Variants in AGT observed in about 807,000 individuals in gnomAD.
The protein encoded by AGT is angiotensinogen.
Under a neutral mutation model 28.1 loss-of-function variants are expected in AGT, and 26 were observed. That is an observed-to-expected ratio of 0.92 (90% confidence interval 0.68 to 1.28). AGT has a LOEUF of 1.28. Among genes scored for constraint, AGT ranks in the 50% most tolerant of loss-of-function variants. AGT has a pLI of 0.00. For synonymous variants in AGT, 259 were observed against 259.6 expected (o/e 1.00, Z 0.02); for missense variants, 596 against 592.3 (o/e 1.01, Z -0.06).
At chr1:230,703,444 G>C in intron 4 of AGT, 115 bp from the exon 5 acceptor site, 1 of 1,113,974 alleles carries the variant, frequency 9.0e-7, no homozygotes. Context: ...TGTCCTGGAG[G>C]GGGACATTTT....
chr1:230,713,351 C>T (rs1333459895), intron 1 of AGT, among the ~76,000 whole-genome samples: 1 of 152,176 alleles, frequency 6.6e-6, no homozygotes, highest in Non-Finnish European at 1.5e-5. Context: ...GGTCCAGTGA[C>T]TTGTTCAACG....
At chr1:230,727,521 T>C (rs1663965818) in intron 1 of AGT, among the ~76,000 whole-genome samples, 2 of 152,230 alleles carry the variant, frequency 1.3e-5, no homozygotes, top group Admixed American at 1.3e-4. Context: ...GACAGATTTA[T>C]GCCATTAAGT....
At chr1:230,741,860 T>C (rs1320475237) in intron 1 of AGT, among the ~76,000 whole-genome samples, 1 of 152,120 alleles carries the variant, frequency 6.6e-6, no homozygotes, top group Non-Finnish European at 1.5e-5. Flanking sequence ...CAAAACATCA[T>C]TGTGGGCTTT....
Position 230,710,368 on chromosome 1 carries a change from GAT to G in AGT, c.454_455del (p.Ile152ProfsTer37). ...LDHTADRLQAILGVPWKDKNC... is the reference protein window; with the variant it reads ...LDHTADRLQAXLGVPWKDKNC... The stretch of plus-strand genomic sequence containing the variant: ...TCTTGTCCTTCCAAGGAACACCCAG[GAT>G]TGCCTGTAGCCTGTCAGCTGTGTGG... On this transcript the variant is annotated frameshift_variant, in exon 2 of 5. Transcript: ENST00000366667. LOFTEE classifies it high-confidence loss of function. 1.9e-6 allele frequency: 3 copies of G among 1,614,206 alleles called. No homozygotes were observed. The highest frequency in any genetic ancestry group is 2.5e-6 in the Non-Finnish European group (3 of 1,180,040).
chr1:230,744,199 C>T (rs1406172752), intron 1 of AGT, among the ~76,000 whole-genome samples: 1 of 152,176 alleles, frequency 6.6e-6, no homozygotes, highest in East Asian at 1.9e-4. Context: ...GCCTGGTAGA[C>T]CTTAGATTGC....
At chr1:230,722,565 G>A (rs1477563874) in intron 1 of AGT, among the ~76,000 whole-genome samples, 1 of 152,252 alleles carries the variant, frequency 6.6e-6, no homozygotes, top group Non-Finnish European at 1.5e-5. Flanking sequence ...AAAACCACAG[G>A]GGTGGAGCTG....
In AGT at chr1:230,703,247, A is replaced by C; in HGVS notation, c.1325T>G (p.Val442Gly). The C allele has an allele frequency of 6.2e-7, 1 of 1,614,120 alleles. No individual in the cohort carries two copies. The highest frequency in any genetic ancestry group is 8.5e-7 in the Non-Finnish European group (1 of 1,180,028). Residue 442 changes from valine to glycine, a missense_variant, in exon 5 of 5, where the codon GTC becomes GGC. By Grantham distance (109) the Val-to-Gly change is moderately radical. Transcript: ENST00000366667. ...TGGGCGGTTCAGGGTCACCTCCAAG[A>C]CCTCAGGCTTGTTAAGCTGTTGGGT... ...ESTQQLNKPE[V>G]LEVTLNRPFL...
At chr1:230,738,323 T>A (rs559609575) in intron 1 of AGT, among the ~76,000 whole-genome samples, 3 of 152,346 alleles carry the variant, frequency 2.0e-5, no homozygotes, top group Non-Finnish European at 2.9e-5. Flanking sequence ...TTCATACTTT[T>A]AAAAATTACC....
intron 2 of AGT, 122 bp from the exon 3 acceptor site, chr1:230,706,322 C>A (rs114152827): frequency 1.3e-4 from 143 of 1,088,112 alleles, no homozygotes; most frequent in Middle Eastern, 6.2e-4. Flanking sequence ...CTTCCTTGGC[C>A]CCCCCCAGGC....
chr1:230,716,965 A>T (rs1663749890), upstream of AGT, among the ~76,000 whole-genome samples: 1 of 151,574 alleles, frequency 6.6e-6, no homozygotes. Flanking sequence ...GGGAAGACAT[A>T]AGAGACTCCA....
chr1:230,742,137 T>A (rs571673409), intron 1 of AGT, among the ~76,000 whole-genome samples: 1 of 151,940 alleles, frequency 6.6e-6, no homozygotes, highest in African/African-American at 2.4e-5. Context: ...TAGAAAAGTC[T>A]CCCCACATTC....
chr1:230,705,146 GT>G (rs1663343436), intron 3 of AGT, among the ~76,000 whole-genome samples: 1 of 152,194 alleles, frequency 6.6e-6, no homozygotes. Context: ...AGTTTGGGAA[GT>G]TGAGAAGATA....
At chr1:230,741,552 C>T (rs572382604) in intron 1 of AGT, among the ~76,000 whole-genome samples, 1 of 152,196 alleles carries the variant, frequency 6.6e-6, no homozygotes, top group African/African-American at 2.4e-5. Flanking sequence ...GGCTCATTCC[C>T]ACTGAAGAAA....
intron 1 of AGT, among the ~76,000 whole-genome samples, 199 bp downstream of exon 1, chr1:230,713,887 G>T (rs1663665077): frequency 6.6e-6 from 1 of 152,286 alleles, no homozygotes; most frequent in African/African-American, 2.4e-5. Context: ...CTATTGCTGA[G>T]GAGGAGCAGC....
At chr1:230,740,361 A>G (rs1664226623) in intron 1 of AGT, among the ~76,000 whole-genome samples, 5 of 152,098 alleles carry the variant, frequency 3.3e-5, no homozygotes, top group Admixed American at 2.0e-4. Context: ...CTCCTATGTC[A>G]TCCTGTGACT....
At chr1:230,724,201 G>A (rs1203886511) in intron 1 of AGT, among the ~76,000 whole-genome samples, 2 of 152,176 alleles carry the variant, frequency 1.3e-5, no homozygotes, top group East Asian at 3.9e-4. Context: ...GAACTGCAAA[G>A]CCTGAAATAT....
chr1:230,708,156 T>G (rs1360492749), intron 2 of AGT, among the ~76,000 whole-genome samples: 1 of 152,072 alleles, frequency 6.6e-6, no homozygotes, highest in South Asian at 2.1e-4. Context: ...TGGGGCAGGG[T>G]CAGGGCAGCA....
At chr1:230,727,596 G>T (rs181595265) in intron 1 of AGT, among the ~76,000 whole-genome samples, 11 of 152,248 alleles carry the variant, frequency 7.2e-5, no homozygotes, top group African/African-American at 2.4e-4. Context: ...GCCTCCAGAA[G>T]AAATCAAGAC....
intron 1 of AGT, among the ~76,000 whole-genome samples, chr1:230,725,406 A>T (rs1221220327): frequency 6.6e-6 from 1 of 152,188 alleles, no homozygotes; most frequent in Non-Finnish European, 1.5e-5. Context: ...CAAGTCTGTT[A>T]TCTCCATTCA....
Sources: allele counts gnomAD v4.1 joint callset (sites outside exome capture counted in the v4.1 genomes callset), GRCh38; gene constraint gnomAD v4.1.1; transcripts MANE v1.5; gene names NCBI Gene and HGNC (gene_info 2026-07-23, HGNC 2026-07-21).